Variants in DMD observed in about 807,000 individuals in gnomAD.
DMD encodes the protein mutant dystrophin.
Under a neutral mutation model 330.1 loss-of-function variants are expected in DMD, and 63 were observed. The ratio of observed to expected loss-of-function variants is 0.19; its 90% CI spans 0.16 to 0.24. DMD has a LOEUF of 0.24. Among genes scored for constraint, DMD ranks in the 10% least tolerant of loss-of-function variants. The pLI is 1.00. For missense variants in DMD, 3,344 were observed against 2,684.1 expected (o/e 1.25, Z -5.43); for synonymous variants, 1,223 against 959.8 (o/e 1.27, Z -5.07).
rs188985305 is a variant in DMD, at chrX:31,363,190, C to T, written c.9085-14556G>A. 5.4e-5 allele frequency among the ~76,000 whole-genome samples: 6 copies of T among 111,021 alleles called. No homozygotes were observed. In the East Asian group the frequency reaches 1.7e-3, roughly 31 times the overall value. ...TCAAGTTAATATTTGTTTTAAAAAA[C>T]AGAATCTTTTAAATATTCAGGATAT... On this transcript the variant is annotated intron_variant, in intron 60 of 78. Transcript: ENST00000357033.
chrX:32,788,823 T>C (rs1334207155), intron 7 of DMD, among the ~76,000 whole-genome samples: 3 of 112,218 alleles, frequency 2.7e-5, no homozygotes, highest in African/African-American at 9.7e-5. Flanking sequence ...TTAATTGTTT[T>C]CCCTTATTAG....
intron 44 of DMD, among the ~76,000 whole-genome samples, chrX:32,068,021 G>A (rs2096271101): frequency 9.0e-6 from 1 of 111,692 alleles, no homozygotes; most frequent in Non-Finnish European, 1.9e-5. Flanking sequence ...AGCATTGGGT[G>A]TCTTTTGACT....
intron 60 of DMD, among the ~76,000 whole-genome samples, chrX:31,396,548 GTTTTTTTTTT>G (rs56745544): frequency 7.6e-5 from 5 of 66,067 alleles, no homozygotes; most frequent in Non-Finnish European, 1.3e-4. Context: ...AAATCCCAGG[GTTTTTTTTTT>G]TTTTTTTTTT....
intron 2 of DMD, among the ~76,000 whole-genome samples, chrX:33,006,671 G>A (rs112697140): frequency 0.013 from 1,443 of 111,459 alleles, 9 homozygotes; most frequent in Non-Finnish European, 0.02. Flanking sequence ...AGAGGCACTT[G>A]TATCATCTCT....
rs755910241 is a variant in DMD, at chrX:31,371,737, G to A, written c.9085-23103C>T. On this transcript the variant is annotated intron_variant, in intron 60 of 78. Coordinates refer to ENST00000357033, the MANE Select transcript of DMD (RefSeq NM_004006.3). The stretch of plus-strand genomic sequence containing the variant: ...TTTCCTCATCAGGAGGGAAGCATTT[G>A]TTTTGTTTGTTTGGACATACAAGGA... 1.5e-4 allele frequency among the ~76,000 whole-genome samples: 17 copies of A among 111,770 alleles called. No individual in the cohort carries two copies. The South Asian group carries it at 2.3e-3, about 15-fold the overall frequency.
At chrX:32,053,113 A>C (rs1007757467) in intron 44 of DMD, among the ~76,000 whole-genome samples, 4 of 111,687 alleles carry the variant, frequency 3.6e-5, no homozygotes, top group African/African-American at 1.3e-4. Context: ...TGAAAATACA[A>C]AATTGACAAT....
chrX:32,925,149 T>TTTTTTG (rs1458827079), intron 2 of DMD, among the ~76,000 whole-genome samples: 14 of 84,021 alleles, frequency 1.7e-4, no homozygotes, highest in African/African-American at 3.4e-4. Context: ...CTCTGGGTTT[T>TTTTTTG]TTTTTTTTTT....
At chrX:31,136,891 T>C (rs1443880595) in intron 76 of DMD, among the ~76,000 whole-genome samples, 1 of 112,622 alleles carries the variant, frequency 8.9e-6, no homozygotes, top group African/African-American at 3.2e-5. Flanking sequence ...ATTGTATCCA[T>C]TCAGACATTT....
chrX:32,839,876 A>C (rs1445680694), intron 4 of DMD, among the ~76,000 whole-genome samples: 4 of 110,959 alleles, frequency 3.6e-5, no homozygotes, highest in African/African-American at 6.6e-5. Context: ...ACGCTCAGCT[A>C]ATTTTTGTGT....
chrX:32,738,203 A>C (rs2068771259), intron 7 of DMD, among the ~76,000 whole-genome samples: 1 of 112,004 alleles, frequency 8.9e-6, no homozygotes, highest in Non-Finnish European at 1.9e-5. Context: ...GTGGTTGCGT[A>C]GGCACAGGAA....
intron 67 of DMD, among the ~76,000 whole-genome samples, chrX:31,186,160 C>G (rs1207641314): frequency 8.9e-6 from 1 of 112,142 alleles, no homozygotes; most frequent in Non-Finnish European, 1.9e-5. Context: ...CTATAATAAA[C>G]TGTTTAACTT....
chrX:32,802,119 T>C (rs2076616246), intron 7 of DMD, among the ~76,000 whole-genome samples: 1 of 111,980 alleles, frequency 8.9e-6, no homozygotes, highest in African/African-American at 3.2e-5. Context: ...ATTTTCATGA[T>C]ATTGATTCTT....
chrX:32,275,893 C>G (rs1482615843), intron 43 of DMD, among the ~76,000 whole-genome samples: 2 of 111,289 alleles, frequency 1.8e-5, no homozygotes, highest in African/African-American at 6.5e-5. Flanking sequence ...AAAGCACTGT[C>G]ACCAGAACCA....
intron 26 of DMD, among the ~76,000 whole-genome samples, chrX:32,453,097 C>T (rs2098340812): frequency 2.7e-5 from 3 of 111,008 alleles, no homozygotes; most frequent in Admixed American, 9.6e-5. Context: ...CCTGCCTGAA[C>T]ATTATTCATT....
intron 4 of DMD, among the ~76,000 whole-genome samples, chrX:32,832,623 A>G (rs1291137020): frequency 9.0e-6 from 1 of 111,693 alleles, no homozygotes; most frequent in Non-Finnish European, 1.9e-5. Context: ...CCTTCTAAAT[A>G]TAATGCATTT....
At chrX:31,350,546 G>A (rs961718303) in intron 60 of DMD, among the ~76,000 whole-genome samples, 1 of 109,418 alleles carries the variant, frequency 9.1e-6, no homozygotes, top group African/African-American at 3.3e-5. Context: ...TTTGTTTAAT[G>A]ACTAGTTGAC....
intron 9 of DMD, among the ~76,000 whole-genome samples, chrX:32,653,014 T>C (rs1183785504): frequency 1.8e-5 from 2 of 112,020 alleles, no homozygotes; most frequent in Non-Finnish European, 3.8e-5. Context: ...GGGTTGTTTT[T>C]TTCTTGTAAA....
chrX:33,234,846 G>A (rs1474311419), intron 1 of DMD, among the ~76,000 whole-genome samples: 1 of 111,469 alleles, frequency 9.0e-6, no homozygotes, highest in Admixed American at 9.6e-5. Context: ...GATCCCTCCT[G>A]GCCACTCTCA....
chrX:31,800,597 A>G (rs1016815377), intron 50 of DMD, among the ~76,000 whole-genome samples: 4 of 112,220 alleles, frequency 3.6e-5, no homozygotes. Context: ...GGCGCTTAAC[A>G]TTTGGCTCCT....
Sources: gnomAD v4.1 joint callset for allele counts (sites outside exome capture counted in the v4.1 genomes callset) on GRCh38, gnomAD v4.1.1 for gene constraint, MANE v1.5 for transcripts, NCBI Gene and HGNC (gene_info 2026-07-23, HGNC 2026-07-21) for gene names.